RBPJ: variants seen among roughly 807,000 people sequenced by gnomAD.
RBPJ encodes recombining binding protein suppressor of hairless.
RBPJ carries 9 observed loss-of-function variants against 67.8 expected under a neutral mutation model. The observed-to-expected ratio is 0.13, with a 90% CI of 0.08 to 0.23. RBPJ has a LOEUF of 0.23. RBPJ is among the 10% of genes least tolerant of loss of function. The pLI, the probability that RBPJ is intolerant of heterozygous loss-of-function variation, is 1.00. For missense variants in RBPJ, 305 were observed against 595.6 expected, an observed-to-expected ratio of 0.51 and a Z score of 5.08; for synonymous variants, 198 against 203.3, an observed-to-expected ratio of 0.97 and a Z score of 0.22.
In RBPJ at chr4:26,266,314, T is replaced by TA. The variant is rs535852287; in HGVS notation, c.-166-96130dup. ...TAAGAAAAAAGCACACAGGCTTACT[T>TA]AATTTATATTTTACATGACACGGGC... is the stretch of plus-strand genomic sequence containing the variant. On this transcript the variant is annotated intron_variant, in intron 1 of 4. Coordinates refer to the RBPJ transcript ENST00000512351. Among the ~76,000 whole-genome samples the TA allele has an allele frequency of 7.3e-4, 111 of 152,192 alleles. 1 individual carries two copies. The highest frequency in any genetic ancestry group is 5.9e-4 in the Admixed American group (9 of 15,282).
At chr4:26,175,122 G>A (rs537563552) in intron 1 of RBPJ, among the ~76,000 whole-genome samples, 1 of 152,282 alleles carries the variant, frequency 6.6e-6, no homozygotes, top group Non-Finnish European at 1.5e-5. Flanking sequence ...CTGAACTAAA[G>A]GGAAAGTGCA....
chr4:26,126,652 T>C, the RBPJ span, among the ~76,000 whole-genome samples: 1 of 152,220 alleles, frequency 6.6e-6, no homozygotes, highest in Admixed American at 6.5e-5. Context: ...TTTGAGAACC[T>C]CTAATATCAT....
chr4:26,161,486 C>T (rs13115567), upstream of RBPJ, among the ~76,000 whole-genome samples: 44,137 of 151,968 alleles, frequency 0.29, 7,830 homozygotes, highest in East Asian at 0.51. Flanking sequence ...AGAATCATAC[C>T]ACAGAATCAG....
chr4:26,304,646 G>A (rs1722175262), intron 1 of RBPJ, among the ~76,000 whole-genome samples: 1 of 152,090 alleles, frequency 6.6e-6, no homozygotes, highest in South Asian at 2.1e-4. Context: ...CATCTTTGGA[G>A]AAATATGTAT....
intron 1 of RBPJ, among the ~76,000 whole-genome samples, chr4:26,208,138 G>A (rs1314948962): frequency 1.3e-5 from 2 of 152,192 alleles, no homozygotes; most frequent in African/African-American, 4.8e-5. Flanking sequence ...CTACAATAGT[G>A]TTTACTACGT....
intron 2 of RBPJ, among the ~76,000 whole-genome samples, chr4:26,394,508 T>C (rs368082635): frequency 3.5e-4 from 53 of 152,116 alleles, no homozygotes; most frequent in African/African-American, 1.2e-3. Flanking sequence ...TCAGATGTTA[T>C]ATAATGCATA....
At chr4:26,406,545 G>A (rs1327470516) in intron 3 of RBPJ, among the ~76,000 whole-genome samples, 6 of 152,152 alleles carry the variant, frequency 3.9e-5, no homozygotes, top group African/African-American at 1.2e-4. Context: ...GGTGCCCCTC[G>A]CAGATGGAAC....
chr4:26,254,071 T>C (rs182689191), intron 1 of RBPJ, among the ~76,000 whole-genome samples: 1 of 148,852 alleles, frequency 6.7e-6, no homozygotes. Context: ...GTATCTTCTC[T>C]GAGCATCAGT....
chr4:26,203,819 C>A (rs73809259), intron 1 of RBPJ, among the ~76,000 whole-genome samples: 187 of 152,338 alleles, frequency 1.2e-3, no homozygotes, highest in African/African-American at 4.3e-3. Flanking sequence ...CTGAGTACAT[C>A]CATCAGATCA....
the RBPJ span, among the ~76,000 whole-genome samples, chr4:26,125,219 T>C: frequency 6.6e-6 from 1 of 152,204 alleles, no homozygotes; most frequent in Non-Finnish European, 1.5e-5. Flanking sequence ...GTAGGCTATA[T>C]TCTGAGCAAC....
chr4:26,282,701 A>G lies in RBPJ; in HGVS notation c.-166-79745A>G, dbSNP rs73245750. On this transcript the variant is annotated intron_variant, in intron 1 of 4. Transcript: ENST00000512351. ...ACTCCTGGCTAATTTTTGTATTTTC[A>G]ATACAGACGAGGTTTCTCCATGTTG... Among the ~76,000 whole-genome samples the G allele has an allele frequency of 9.6e-3, 1,456 of 151,822 alleles. 7 individuals carry two copies. Among genetic ancestry groups the G allele is most frequent in the Non-Finnish European group, 0.014 (968 of 67,948 alleles).
upstream of RBPJ, among the ~76,000 whole-genome samples, chr4:26,318,377 G>A (rs1356770183): frequency 6.6e-6 from 1 of 152,096 alleles, no homozygotes; most frequent in Non-Finnish European, 1.5e-5. Flanking sequence ...CTCATTGGAT[G>A]AATGATCCAA....
chr4:26,328,696 G>A lies in RBPJ; in HGVS notation c.20+7648G>A, dbSNP rs1050952523. Among the ~76,000 whole-genome samples the A allele has an allele frequency of 6.6e-5, 10 of 152,018 alleles. No homozygotes were observed. In the East Asian group the frequency reaches 9.8e-4, roughly 15 times the overall value. ...CAGCCTGGAATACAGTGGCAAAGTCGTACTTCACTGCAGCCTCAACCTCCT... is the reference window on the plus strand; with the variant it reads ...CAGCCTGGAATACAGTGGCAAAGTCATACTTCACTGCAGCCTCAACCTCCT... On this transcript the variant is annotated intron_variant, in intron 1 of 10. Transcript: ENST00000355476.
In RBPJ at chr4:26,244,353, A is replaced by ATG. The variant is rs1719822131; in HGVS notation, c.-167+80740_-167+80741insGT. On this transcript the variant is annotated intron_variant, in intron 1 of 4. Transcript: ENST00000512351. The stretch of plus-strand genomic sequence containing the variant: ...CATATGTGTACACATATGTGTGTAT[A>ATG]TATATGTATGCACATATGTGTACAC... 2.0e-4 allele frequency among the ~76,000 whole-genome samples: 9 copies of ATG among 44,652 alleles called. 1 individual carries two copies. The highest frequency in any genetic ancestry group is 3.9e-4 in the Non-Finnish European group (8 of 20,300). The allele number at this position is 44,652 out of a possible 152,430, so 29.3% of individuals were successfully genotyped here. A position where few individuals can be genotyped will look rare whatever the true frequency, so the allele number is the denominator to read the frequency against.
At chr4:26,180,688 G>A (rs1392891261) in intron 1 of RBPJ, among the ~76,000 whole-genome samples, 1 of 152,140 alleles carries the variant, frequency 6.6e-6, no homozygotes, top group Non-Finnish European at 1.5e-5. Context: ...GCATTTCAAT[G>A]CATGAATCTG....
intron 1 of RBPJ, among the ~76,000 whole-genome samples, chr4:26,193,778 C>T (rs1227549637): frequency 1.3e-5 from 2 of 152,144 alleles, no homozygotes; most frequent in Admixed American, 6.6e-5. Context: ...TTCTCCAGCT[C>T]CTTCCATAGC....
In RBPJ at chr4:26,175,921, C is replaced by T. The variant is rs78454524; in HGVS notation, c.-167+12307C>T. On this transcript the variant is annotated intron_variant, in intron 1 of 4. Coordinates refer to the RBPJ transcript ENST00000512351. ...CTGATATGCAAGGGGCAAGGTGTTACGCACCTTCTGGGATCCACCCTAAGA... is the reference window on the plus strand; with the variant it reads ...CTGATATGCAAGGGGCAAGGTGTTATGCACCTTCTGGGATCCACCCTAAGA... Among the ~76,000 whole-genome samples, 1,521 of 152,222 alleles carry T rather than the reference C, an allele frequency of 1.0e-2. 27 individuals are homozygous for T. Among genetic ancestry groups the T allele is most frequent in the African/African-American group, 0.034 (1,421 of 41,544 alleles).
intron 1 of RBPJ, among the ~76,000 whole-genome samples, chr4:26,301,793 A>ATATT (rs1005209825): frequency 6.6e-6 from 1 of 151,532 alleles, no homozygotes; most frequent in Non-Finnish European, 1.5e-5. Context: ...AGGATAATTT[A>ATATT]TATTTATTTA....
chr4:26,338,190 T>C (rs1274184269), intron 1 of RBPJ, among the ~76,000 whole-genome samples: 2 of 144,896 alleles, frequency 1.4e-5, no homozygotes, highest in African/African-American at 5.2e-5. Flanking sequence ...GGAGTGTTGC[T>C]CTATTGGTAG....
Sources: gnomAD v4.1 joint callset for allele counts (sites outside exome capture counted in the v4.1 genomes callset) on GRCh38, gnomAD v4.1.1 for gene constraint, MANE v1.5 for transcripts, NCBI Gene and HGNC (gene_info 2026-07-23, HGNC 2026-07-21) for gene names.